The following STK39 variants were observed in gnomAD, a reference collection of about 807,000 sequenced individuals.
The protein encoded by STK39 is serine/threonine kinase 39.
A neutral mutation model predicts 77.8 loss-of-function variants in STK39; 20 were observed. That is an observed-to-expected ratio of 0.26 (90% CI 0.18 to 0.37). The LOEUF is 0.37. Among genes scored for constraint, STK39 ranks in the 10% least tolerant of loss-of-function variants. The probability of loss-of-function intolerance (pLI) is 1.00; values close to 1 mark genes in which losing one functional copy is unlikely to be tolerated. For missense variants in STK39, 479 were observed against 656.5 expected (o/e 0.73, Z 2.95); for synonymous variants, 246 against 234.1 (o/e 1.05, Z -0.47).
At chr2:168,016,530 C>T (rs1281618872) in intron 15 of STK39, among the ~76,000 whole-genome samples, 2 of 152,038 alleles carry the variant, frequency 1.3e-5, no homozygotes, top group African/African-American at 4.8e-5. Context: ...AGGTAATAAC[C>T]GCAGAGGGGG....
intron 16 of STK39, among the ~76,000 whole-genome samples, chr2:167,967,205 T>C (rs1692181252): frequency 6.6e-6 from 1 of 152,230 alleles, no homozygotes. Flanking sequence ...CAAATCCCTC[T>C]TGGTTTTCCC....
chr2:168,135,986 G>T (rs1245249035), intron 8 of STK39, among the ~76,000 whole-genome samples: 1 of 58,598 alleles, frequency 1.7e-5, no homozygotes, highest in East Asian at 3.7e-4. Context: ...TCTTCTAAAG[G>T]ATTTTTTTTT....
In STK39 at chr2:168,164,620, C is replaced by CCA. The variant is rs1559128469; in HGVS notation, c.431-741_431-740insTG. 4.9e-4 allele frequency among the ~76,000 whole-genome samples: 75 copies of CCA among 152,038 alleles called. 1 individual carries two copies. The South Asian group carries it at 6.0e-3, about 12-fold the overall frequency. ...TGGGGTCTTACCACGTTGCCCATGCCGGTCTTGAACTTCTGGGCTTAAGTG... is the reference window on the plus strand; with the variant it reads ...TGGGGTCTTACCACGTTGCCCATGCCCAGGTCTTGAACTTCTGGGCTTAAGTG... On this transcript the variant is annotated intron_variant, in intron 3 of 17. Coordinates refer to ENST00000355999, the MANE Select transcript of STK39 (RefSeq NM_013233.3).
chr2:168,171,973 CTA>C (rs1175965157), intron 2 of STK39, among the ~76,000 whole-genome samples: 1 of 151,426 alleles, frequency 6.6e-6, no homozygotes, highest in African/African-American at 2.4e-5. Flanking sequence ...GGGCCGCACT[CTA>C]TGTCACAGCT....
At chr2:168,107,467 T>C (rs776726480) in intron 10 of STK39, among the ~76,000 whole-genome samples, 6 of 152,212 alleles carry the variant, frequency 3.9e-5, no homozygotes, top group Non-Finnish European at 5.9e-5. Flanking sequence ...ATTTAGTGCA[T>C]GACAAGCACC....
At chr2:168,176,463 T>C (rs992527528) in intron 2 of STK39, among the ~76,000 whole-genome samples, 2 of 152,190 alleles carry the variant, frequency 1.3e-5, no homozygotes, top group Non-Finnish European at 2.9e-5. Flanking sequence ...GCCACGAAGA[T>C]ATCTAGAGCT....
chr2:168,084,534 T>C (rs6750247), intron 10 of STK39, among the ~76,000 whole-genome samples: 65,715 of 151,936 alleles, frequency 0.43, 15,760 homozygotes, highest in South Asian at 0.56. Context: ...TCCTGGAAGC[T>C]AGAGGAAAGG....
intron 1 of STK39, among the ~76,000 whole-genome samples, chr2:168,184,647 C>G: frequency 6.6e-6 from 1 of 151,986 alleles, no homozygotes; most frequent in East Asian, 1.9e-4. Context: ...CCTTATCTAC[C>G]ATTCTGTGCA....
intron 16 of STK39, among the ~76,000 whole-genome samples, chr2:168,008,048 C>T (rs1448846507): frequency 2.0e-5 from 3 of 152,158 alleles, no homozygotes; most frequent in Non-Finnish European, 4.4e-5. Flanking sequence ...CTCCCCTGCC[C>T]CCTTCATTGC....
At chr2:168,038,548 T>C (rs1685017564) in intron 14 of STK39, among the ~76,000 whole-genome samples, 1 of 151,400 alleles carries the variant, frequency 6.6e-6, no homozygotes, top group East Asian at 1.9e-4. Flanking sequence ...TACAAGAAAA[T>C]ACAAATCATA....
At chr2:168,098,430 C>T (rs1295230014) in intron 10 of STK39, among the ~76,000 whole-genome samples, 4 of 152,182 alleles carry the variant, frequency 2.6e-5, no homozygotes, top group African/African-American at 4.8e-5. Context: ...AACAAAAGAG[C>T]GGCCCCACTG....
At chr2:168,178,331 T>C (rs899655936) in intron 2 of STK39, among the ~76,000 whole-genome samples, 1 of 152,054 alleles carries the variant, frequency 6.6e-6, no homozygotes, top group Non-Finnish European at 1.5e-5. Flanking sequence ...GAGATCAGAG[T>C]ACAGTTAAAA....
intron 10 of STK39, 142 bp from the exon 11 acceptor site, chr2:168,075,373 G>T: frequency 1.7e-6 from 2 of 1,178,712 alleles, no homozygotes; most frequent in Non-Finnish European, 1.2e-6. Context: ...TAGCGGTTAA[G>T]ATCCAAAAAG....
intron 8 of STK39, among the ~76,000 whole-genome samples, chr2:168,133,172 G>A (rs1278275838): frequency 6.6e-6 from 1 of 152,148 alleles, no homozygotes; most frequent in African/African-American, 2.4e-5. Context: ...AGAAAGCTGG[G>A]AAGTACCAGG....
At chr2:168,047,073 T>C (rs1685263337) in intron 14 of STK39, among the ~76,000 whole-genome samples, 1 of 152,218 alleles carries the variant, frequency 6.6e-6, no homozygotes, top group South Asian at 2.1e-4. Flanking sequence ...AAATATCTTT[T>C]AGCCCTGATA....
At chr2:168,244,876 T>C (rs1301426985) in intron 1 of STK39, among the ~76,000 whole-genome samples, 1 of 152,222 alleles carries the variant, frequency 6.6e-6, no homozygotes, top group Non-Finnish European at 1.5e-5. Flanking sequence ...CAGGTAAATT[T>C]CTTTTTTTCC....
At chr2:168,021,379 T>C (rs964244715) in intron 14 of STK39, among the ~76,000 whole-genome samples, 2 of 152,180 alleles carry the variant, frequency 1.3e-5, no homozygotes, top group African/African-American at 2.4e-5. Context: ...CAGTGATTGA[T>C]TGTGAGTAGT....
intron 14 of STK39, among the ~76,000 whole-genome samples, chr2:168,025,176 T>C (rs1378889553): frequency 6.6e-6 from 1 of 152,178 alleles, no homozygotes; most frequent in East Asian, 1.9e-4. Context: ...TTTCCCCTTC[T>C]CATTCTCTCC....
intron 14 of STK39, among the ~76,000 whole-genome samples, chr2:168,034,749 T>C (rs1054876685): frequency 2.6e-5 from 4 of 152,214 alleles, no homozygotes; most frequent in Admixed American, 6.5e-5. Context: ...CAGAGCATTA[T>C]GAAGATGGCC....
Sources: gnomAD v4.1 joint callset for allele counts (sites outside exome capture counted in the v4.1 genomes callset) on GRCh38, gnomAD v4.1.1 for gene constraint, MANE v1.5 for transcripts, NCBI Gene and HGNC (gene_info 2026-07-23, HGNC 2026-07-21) for gene names.